Variants in UBR4 observed in about 807,000 individuals in gnomAD.
The protein encoded by UBR4 is ubiquitin protein ligase E3 component n-recognin 4.
Under a neutral mutation model 575.6 loss-of-function variants are expected in UBR4, and 124 were observed. The observed-to-expected ratio is 0.22, with a 90% CI of 0.19 to 0.25. The LOEUF (loss-of-function observed/expected upper bound fraction) is 0.25. Among genes scored for constraint, UBR4 ranks in the 10% least tolerant of loss-of-function variants. UBR4 has a pLI of 1.00. For missense variants in UBR4, 4,818 were observed against 6,478.8 expected (o/e 0.74, Z 8.80); for synonymous variants, 2,455 against 2,473.7 (o/e 0.99, Z 0.22).
At chr1:19,166,492 A>T (rs1256404980) in intron 29 of UBR4, among the ~76,000 whole-genome samples, 1 of 152,162 alleles carries the variant, frequency 6.6e-6, no homozygotes, top group African/African-American at 2.4e-5. Context: ...CTAAGAATTA[A>T]TCACAAAAAA....
At chr1:19,138,237 A>G in intron 59 of UBR4, 56 bp from the exon 60 acceptor site, 1 of 1,430,444 alleles carries the variant, frequency 7.0e-7, no homozygotes, top group South Asian at 1.7e-5. Context: ...GAAGGAACCC[A>G]GTGCATTCTA....
intron 73 of UBR4, among the ~76,000 whole-genome samples, chr1:19,116,904 T>C (rs1332286318): frequency 6.6e-6 from 1 of 152,230 alleles, no homozygotes; most frequent in African/African-American, 2.4e-5. Flanking sequence ...TATCTAAGTC[T>C]AGACCTTTGT....
In UBR4 at chr1:19,130,098, C is replaced by T. The variant is rs1359589528; in HGVS notation, c.8907-1024G>A. On this transcript the variant is annotated intron_variant, in intron 60 of 105. Transcript: ENST00000375254. Reference sequence around the variant, plus strand: ...CTGGACATGGTGGTGTGCCTATCATCCCAGCAATTCAGGAGACTAAGAAGG... The same window carrying T: ...CTGGACATGGTGGTGTGCCTATCATTCCAGCAATTCAGGAGACTAAGAAGG... 2.0e-5 allele frequency among the ~76,000 whole-genome samples: 3 copies of T among 152,064 alleles called. No homozygotes were observed. The East Asian group carries it at 5.8e-4, about 29-fold the overall frequency.
rs1273623668 is a variant in UBR4, at chr1:19,124,679, A to G, written c.9450T>C (p.Ala3150=). 1 of 1,613,608 alleles carries G rather than the reference A, an allele frequency of 6.2e-7. No homozygotes were observed. The highest frequency in any genetic ancestry group is 1.3e-5 in the African/African-American group (1 of 74,926). Residue 3150 remains alanine, a synonymous_variant, in exon 65 of 106, where the codon GCT becomes GCC. Coordinates refer to ENST00000375254, the MANE Select transcript of UBR4 (RefSeq NM_020765.3). The part of the protein sequence containing the change: ...FLRQYVKGHA[A]DVFEAYTQLL... ...GCTGAGTATAGGCCTCAAACACATC[A>G]GCAGCATGACCCTGGGAGAAGAAAA...
intron 20 of UBR4, 88 bp from the exon 21 acceptor site, chr1:19,175,121 T>C (rs562272270): frequency 2.6e-5 from 33 of 1,273,478 alleles, no homozygotes; most frequent in Middle Eastern, 2.5e-4. Flanking sequence ...AAATACTTTA[T>C]AATAAGGTTT....
Position 19,170,623 on chromosome 1 carries a change from CA to C in UBR4, c.3643+138del, listed in dbSNP as rs1373400389. On this transcript the variant is annotated intron_variant, in intron 26 of 105. Transcript: ENST00000375254. ...GGGTTATTGTGAAGATCAAAATAGA[CA>C]AACCTACCTAAATGCTTGATACACA... 8 of 1,179,754 alleles carry C rather than the reference CA, an allele frequency of 6.8e-6. No homozygotes were observed. In the Admixed American group the frequency reaches 1.9e-4, roughly 28 times the overall value. 73.1% of individuals were successfully genotyped at this position (1,179,754 alleles called of 1,614,324 possible).
chr1:19,140,546 G>A (rs764700254), intron 58 of UBR4, among the ~76,000 whole-genome samples: 31 of 152,366 alleles, frequency 2.0e-4, no homozygotes, highest in Middle Eastern at 3.4e-3. Flanking sequence ...CCGCTCTCTC[G>A]GCTTTTCCGT....
intron 77 of UBR4, chr1:19,113,257 C>G (rs2080105370): frequency 3.8e-6 from 1 of 259,860 alleles, no homozygotes; most frequent in Non-Finnish European, 7.3e-6. Flanking sequence ...AGCCTCCCAT[C>G]TCATGGAGAT....
In UBR4 at chr1:19,110,965, G is replaced by T; in HGVS notation, c.11802-133C>A. On this transcript the variant is annotated intron_variant, in intron 78 of 105. Transcript: ENST00000375254. This position sits in a 1 kb window ranked among gnomAD's most constrained non-coding sequence, Gnocchi z 4.5. ...GCCCCAAATTTTCTACTTCCTTCCC[G>T]GGGCAAGACTAGAACTTTAGCTTCA... is the stretch of plus-strand genomic sequence containing the variant. The T allele has an allele frequency of 1.2e-6, 1 of 839,506 alleles. No individual in the cohort carries two copies. The highest frequency in any genetic ancestry group is 1.8e-6 in the Non-Finnish European group (1 of 545,322). 52.0% of individuals were successfully genotyped at this position (839,506 alleles called of 1,614,324 possible). A position where few individuals can be genotyped will look rare whatever the true frequency, so the allele number is the denominator to read the frequency against.
chr1:19,173,132 G>C lies in UBR4; in HGVS notation c.3292-39C>G, dbSNP rs2089812825. On this transcript the variant is annotated intron_variant, in intron 24 of 105. Coordinates refer to ENST00000375254, the MANE Select transcript of UBR4 (RefSeq NM_020765.3). ...CAAAATATAATTAGCTGTGGCAATG[G>C]GCTATGGTAGAAACCAAGTTCTATC... 3 of 1,613,728 alleles carry C rather than the reference G, an allele frequency of 1.9e-6. No homozygotes were observed. The East Asian group carries it at 6.7e-5, about 36-fold the overall frequency.
At chr1:19,124,452 A>C in intron 65 of UBR4, 89 bp downstream of exon 65, 1 of 1,533,398 alleles carries the variant, frequency 6.5e-7, no homozygotes, top group South Asian at 1.3e-5. Flanking sequence ...GGGAAATACC[A>C]AGTAAGGATG....
intron 104 of UBR4, among the ~76,000 whole-genome samples, chr1:19,077,470 A>T (rs1367502278): frequency 6.6e-6 from 1 of 152,236 alleles, no homozygotes; most frequent in Non-Finnish European, 1.5e-5. Flanking sequence ...ACAGTGGCCC[A>T]TGCCTGTAAT....
chr1:19,119,378 A>G (rs902550066), intron 70 of UBR4, among the ~76,000 whole-genome samples, 179 bp downstream of exon 70: 4 of 152,260 alleles, frequency 2.6e-5, no homozygotes, highest in African/African-American at 9.6e-5. Flanking sequence ...TTGTTAGTGT[A>G]TACTGTCTAC....
At chr1:19,203,659 T>C (rs2092861518) in intron 1 of UBR4, among the ~76,000 whole-genome samples, 2 of 152,200 alleles carry the variant, frequency 1.3e-5, no homozygotes, top group African/African-American at 2.4e-5. Context: ...TCACCTTGAA[T>C]AACACTTGAG....
At chr1:19,077,804 A>T in intron 104 of UBR4, 172 bp downstream of exon 104, 1 of 1,538,362 alleles carries the variant, frequency 6.5e-7, no homozygotes, top group Non-Finnish European at 8.8e-7. Context: ...ACAAGGCTCC[A>T]GGCTGCCAGT....
intron 4 of UBR4, 51 bp from the exon 5 acceptor site, chr1:19,198,731 G>C: frequency 6.2e-7 from 1 of 1,612,672 alleles, no homozygotes; most frequent in Non-Finnish European, 8.5e-7. Context: ...CCACTAGAAG[G>C]CAAAGGTGCC....
Position 19,129,030 on chromosome 1 carries a change from G to A in UBR4, c.8951C>T (p.Thr2984Ile). The stretch of plus-strand genomic sequence containing the variant: ...GCCAACGTTTCGTAATTGAGGCAGG[G>A]TCTGCAGTAATCTCTCCAACAGCAT... Reference protein sequence around the residue: ...RLMLLERLLQTLPQLRNVGGV... With the variant: ...RLMLLERLLQILPQLRNVGGV... The change falls in exon 61 of 106, where the codon ACC becomes ATC. Residue 2984 changes from threonine to isoleucine, a missense_variant. By Grantham distance (89) the Thr-to-Ile change is moderately conservative. Coordinates refer to ENST00000375254, the MANE Select transcript of UBR4 (RefSeq NM_020765.3). 6.2e-7 allele frequency: 1 copy of A among 1,614,048 alleles called. No homozygotes were observed. Among genetic ancestry groups the A allele is most frequent in the South Asian group, 1.1e-5 (1 of 91,080 alleles).
At chr1:19,161,501 TG>T in intron 37 of UBR4, 87 bp downstream of exon 37, 1 of 1,503,152 alleles carries the variant, frequency 6.7e-7, no homozygotes, top group Non-Finnish European at 8.9e-7. Flanking sequence ...TCAGGTATCC[TG>T]GAGGTGATGG....
chr1:19,122,229 T>C (rs913795261), intron 66 of UBR4, among the ~76,000 whole-genome samples: 1 of 152,224 alleles, frequency 6.6e-6, no homozygotes, highest in Non-Finnish European at 1.5e-5. Context: ...GCCTTTGTTC[T>C]ACCCCATCCC....
Sources: allele counts gnomAD v4.1 joint callset (sites outside exome capture counted in the v4.1 genomes callset), GRCh38; gene constraint gnomAD v4.1.1; non-coding constraint Gnocchi (gnomAD v3.1); transcripts MANE v1.5; gene names NCBI Gene and HGNC (gene_info 2026-07-23, HGNC 2026-07-21).